INPP5K: variants seen among roughly 807,000 people sequenced by gnomAD.
INPP5K encodes the protein inositol polyphosphate 5-phosphatase K.
In INPP5K, 35 loss-of-function variants were observed where a neutral mutation model predicts 53.5. The observed-to-expected ratio is 0.65, with a 90% CI of 0.50 to 0.87. INPP5K has a LOEUF of 0.87. Among genes scored for constraint, INPP5K ranks in the 40% least tolerant of loss-of-function variants. The pLI is 0.00. For missense variants in INPP5K, 550 were observed against 586.2 expected, an observed-to-expected ratio of 0.94 and a Z score of 0.64; for synonymous variants, 253 against 232.8, an observed-to-expected ratio of 1.09 and a Z score of -0.79.
intron 11 of INPP5K, 29 bp downstream of exon 11, chr17:1,496,031 C>A: frequency 6.6e-7 from 1 of 1,525,280 alleles, no homozygotes; most frequent in South Asian, 1.1e-5. Flanking sequence ...AGCCCTCACC[C>A]TTCCCCTTCC....
At chr17:1,513,250 C>T (rs1393711021) in intron 3 of INPP5K, among the ~76,000 whole-genome samples, 2 of 152,184 alleles carry the variant, frequency 1.3e-5, no homozygotes, top group Non-Finnish European at 2.9e-5. Context: ...TAACCCAACC[C>T]CTGGAGACTC....
In INPP5K at chr17:1,495,804, G is replaced by T; in HGVS notation, c.*19C>A. 6.2e-7 allele frequency: 1 copy of T among 1,601,940 alleles called. No individual in the cohort carries two copies. The highest frequency in any genetic ancestry group is 8.5e-7 in the Non-Finnish European group (1 of 1,170,124). ...GCTGCCAGCTCTGGCCTCCGCCTGG[G>T]ATTCACTCCCATCCTGGCTCAGATC... On this transcript the variant is annotated 3_prime_UTR_variant, in exon 12 of 12. Transcript: ENST00000421807.
intron 1 of INPP5K, chr17:1,515,648 C>T (rs1290685944): frequency 1.1e-6 from 1 of 951,898 alleles, no homozygotes; most frequent in East Asian, 1.2e-4. Flanking sequence ...AACATCTCTC[C>T]TCCAACAGAC....
chr17:1,496,197 C>A (rs2074832175), intron 10 of INPP5K, 33 bp from the exon 11 acceptor site: 1 of 1,548,104 alleles, frequency 6.5e-7, no homozygotes, highest in Non-Finnish European at 8.9e-7. Flanking sequence ...GGGGTCAGCT[C>A]CAGGGCTCTG....
intron 9 of INPP5K, 58 bp downstream of exon 9, chr17:1,496,608 C>T (rs1012387549): frequency 1.9e-5 from 30 of 1,596,856 alleles, no homozygotes; most frequent in Admixed American, 6.7e-5. Flanking sequence ...CAGGAGCCCT[C>T]GGGAAGGATG....
intron 7 of INPP5K, among the ~76,000 whole-genome samples, chr17:1,498,555 T>C (rs1436631041): frequency 6.6e-6 from 1 of 152,208 alleles, no homozygotes; most frequent in Non-Finnish European, 1.5e-5. Flanking sequence ...AGGAAATGCT[T>C]ACCAGAGGAT....
chr17:1,508,747 C>T (rs542823178), intron 5 of INPP5K, among the ~76,000 whole-genome samples: 4 of 142,808 alleles, frequency 2.8e-5, no homozygotes, highest in African/African-American at 1.1e-4. Context: ...GGGCAGAGGG[C>T]GGGGAACAGT....
chr17:1,515,874 T>TG, intron 1 of INPP5K: 1 of 977,616 alleles, frequency 1.0e-6, no homozygotes, highest in Non-Finnish European at 1.2e-6. Context: ...AGAGACTTCT[T>TG]TTCCCAGACT....
chr17:1,509,444 A>C, intron 4 of INPP5K, 91 bp from the exon 5 acceptor site: 5 of 1,283,536 alleles, frequency 3.9e-6, no homozygotes, highest in Non-Finnish European at 5.5e-6. Context: ...AGACAGTCTC[A>C]CTTCCTGCAG....
chr17:1,505,166 G>T (rs2075124638), intron 7 of INPP5K, among the ~76,000 whole-genome samples: 1 of 151,968 alleles, frequency 6.6e-6, no homozygotes, highest in Non-Finnish European at 1.5e-5. Flanking sequence ...AGACAGGGTT[G>T]CCCAGCTGGA....
intron 7 of INPP5K, among the ~76,000 whole-genome samples, chr17:1,502,692 A>T (rs2075055980): frequency 6.6e-6 from 1 of 152,200 alleles, no homozygotes; most frequent in South Asian, 2.1e-4. Flanking sequence ...AAACAAGCAA[A>T]GTGAGCGTGT....
intron 1 of INPP5K, chr17:1,515,946 T>C: frequency 5.1e-6 from 5 of 988,368 alleles, no homozygotes; most frequent in Non-Finnish European, 6.0e-6. Flanking sequence ...AATCCGACGA[T>C]TAGCAGCAAA....
chr17:1,506,679 GTCCC>G (rs1329785185), intron 7 of INPP5K, among the ~76,000 whole-genome samples: 1 of 152,142 alleles, frequency 6.6e-6, no homozygotes, highest in African/African-American at 2.4e-5. Flanking sequence ...CTGAAGTGCA[GTCCC>G]TCCTAGGTCA....
chr17:1,500,414 G>C (rs1202143755), intron 7 of INPP5K, among the ~76,000 whole-genome samples: 2 of 151,838 alleles, frequency 1.3e-5, no homozygotes, highest in African/African-American at 4.8e-5. Flanking sequence ...GCCCAGGCTG[G>C]AGTGCACTGG....
At chr17:1,509,475 T>A in intron 4 of INPP5K, 122 bp from the exon 5 acceptor site, 1 of 1,024,870 alleles carries the variant, frequency 9.8e-7, no homozygotes, top group Non-Finnish European at 1.5e-6. Context: ...GGACAGTAAC[T>A]AAGCTTCCCA....
intron 1 of INPP5K, 47 bp from the exon 2 acceptor site, chr17:1,514,026 T>G (rs200466921): frequency 2.2e-6 from 3 of 1,386,682 alleles, no homozygotes; most frequent in African/African-American, 2.8e-5. Flanking sequence ...GAGGATAAGA[T>G]AGTGCACGGG....
rs537663026 is a variant in INPP5K, at chr17:1,499,849, GATCA to G, written c.777-1731_777-1728del. Among the ~76,000 whole-genome samples the G allele has an allele frequency of 1.8e-3, 281 of 152,192 alleles. 1 individual carries two copies. The highest frequency in any genetic ancestry group is 6.2e-3 in the African/African-American group (258 of 41,516). Reference sequence around the variant, plus strand: ...AACCCAGAGTAATAAAGCCTAATTGGATCAATCAATCAATCAATCTATAGACAGG... The same window carrying G: ...AACCCAGAGTAATAAAGCCTAATTGGATCAATCAATCAATCTATAGACAGG... On this transcript the variant is annotated intron_variant, in intron 7 of 11. Transcript: ENST00000421807.
chr17:1,510,925 C>T (rs1314158339), intron 3 of INPP5K, among the ~76,000 whole-genome samples: 2 of 152,164 alleles, frequency 1.3e-5, no homozygotes, highest in African/African-American at 2.4e-5. Context: ...CTGTACTCGG[C>T]CTGCTCTTTA....
In INPP5K at chr17:1,516,521, G is replaced by A. The variant is rs748219407; in HGVS notation, c.-22C>T. The A allele has an allele frequency of 1.8e-5, 28 of 1,561,304 alleles. 1 individual carries two copies. The highest frequency in any genetic ancestry group is 1.0e-4 in the South Asian group (9 of 86,170). ...TCATGGCCGCCGTCGTCCCCGCGCGGTGGTCCGGCAGGTTCGCGTCTCCCG... is the reference window on the plus strand; with the variant it reads ...TCATGGCCGCCGTCGTCCCCGCGCGATGGTCCGGCAGGTTCGCGTCTCCCG... On this transcript the variant is annotated 5_prime_UTR_variant, in exon 1 of 12. Transcript: ENST00000421807.
Sources: allele counts gnomAD v4.1 joint callset (sites outside exome capture counted in the v4.1 genomes callset), GRCh38; gene constraint gnomAD v4.1.1; transcripts MANE v1.5; gene names NCBI Gene and HGNC (gene_info 2026-07-23, HGNC 2026-07-21).